The following PTPN2 variants were observed in gnomAD, a reference collection of about 807,000 sequenced individuals.
PTPN2 encodes the protein tyrosine-protein phosphatase non-receptor type 2.
Under a neutral mutation model 57.3 loss-of-function variants are expected in PTPN2, and 19 were observed. The observed-to-expected ratio is 0.33, with a 90% CI of 0.23 to 0.49. The LOEUF is 0.49. Ranked by LOEUF, PTPN2 falls within the 20% of genes least tolerant of loss-of-function variation. PTPN2 has a pLI of 0.99. For synonymous variants in PTPN2, 153 were observed against 164.9 expected, an observed-to-expected ratio of 0.93 and a Z score of 0.55; for missense variants, 358 against 501.1, an observed-to-expected ratio of 0.71 and a Z score of 2.73.
chr18:12,809,563 G>A (rs1043651354), intron 7 of PTPN2, among the ~76,000 whole-genome samples: 3 of 152,294 alleles, frequency 2.0e-5, no homozygotes, highest in African/African-American at 4.8e-5. Context: ...GACTGACACT[G>A]GCCCAAATGA....
At chr18:12,785,833 G>A (rs757779148) in exon 10 of PTPN2, 1 of 1,609,930 alleles carries the variant, frequency 6.2e-7, no homozygotes, top group Non-Finnish European at 8.5e-7. Flanking sequence ...TTAGGTGTCT[G>A]TCAATCTTGG....
intron 1 of PTPN2, among the ~76,000 whole-genome samples, chr18:12,872,048 CA>C (rs61356876): frequency 2.5e-5 from 3 of 121,416 alleles, no homozygotes; most frequent in Non-Finnish European, 5.0e-5. Flanking sequence ...GACTCTGTCT[CA>C]AAAAAAAAAC....
intron 1 of PTPN2, chr18:12,883,815 G>T: frequency 3.0e-6 from 1 of 337,730 alleles, no homozygotes; most frequent in Non-Finnish European, 5.4e-6. Flanking sequence ...CTGTGGCACC[G>T]CCCTCCAGAA....
At chr18:12,801,251 G>A (rs1194222145) in intron 8 of PTPN2, among the ~76,000 whole-genome samples, 1 of 152,158 alleles carries the variant, frequency 6.6e-6, no homozygotes, top group African/African-American at 2.4e-5. Flanking sequence ...GGTGGCTCAC[G>A]CCTGTAATCC....
At chr18:12,855,422 G>A (rs939980219) in intron 2 of PTPN2, among the ~76,000 whole-genome samples, 16 of 151,880 alleles carry the variant, frequency 1.1e-4, no homozygotes, top group African/African-American at 3.4e-4. Flanking sequence ...CCCATGAGGA[G>A]GATGGGGACG....
chr18:12,804,832 C>A (rs2041581801), intron 7 of PTPN2, among the ~76,000 whole-genome samples: 1 of 152,066 alleles, frequency 6.6e-6, no homozygotes, highest in African/African-American at 2.4e-5. Flanking sequence ...TCACACTATT[C>A]AAAAAACTGA....
At chr18:12,833,004 G>C (rs2042722634) in intron 3 of PTPN2, among the ~76,000 whole-genome samples, 1 of 152,112 alleles carries the variant, frequency 6.6e-6, no homozygotes, top group South Asian at 2.1e-4. Context: ...GGCCAGGCTG[G>C]TCTCAAACTC....
intron 4 of PTPN2, among the ~76,000 whole-genome samples, chr18:12,830,200 G>A (rs1027139565): frequency 2.0e-5 from 3 of 151,764 alleles, no homozygotes; most frequent in African/African-American, 7.3e-5. Context: ...TCCAGGTTGA[G>A]GTGCAGTGGC....
At chr18:12,835,730 G>A (rs944688131) in intron 3 of PTPN2, among the ~76,000 whole-genome samples, 17 of 152,100 alleles carry the variant, frequency 1.1e-4, no homozygotes, top group African/African-American at 3.6e-4. Context: ...TTTCTTGGTC[G>A]GTCAGAGTAT....
intron 1 of PTPN2, among the ~76,000 whole-genome samples, chr18:12,876,231 T>C (rs2044482388): frequency 6.7e-6 from 1 of 148,922 alleles, no homozygotes. Flanking sequence ...GAAGCCAAGG[T>C]GAGCAGACCA....
chr18:12,869,527 G>A (rs1461309280), intron 1 of PTPN2, among the ~76,000 whole-genome samples: 1 of 150,478 alleles, frequency 6.6e-6, no homozygotes, highest in Admixed American at 6.6e-5. Flanking sequence ...GGGTGAAATA[G>A]TTATAATATT....
chr18:12,883,800 A>G (rs2044752716), intron 1 of PTPN2: 1 of 316,240 alleles, frequency 3.2e-6, no homozygotes. Context: ...CTCCCCAAGA[A>G]GCCGCTGTGG....
intron 8 of PTPN2, 125 bp from the exon 9 acceptor site, chr18:12,794,610 T>C (rs1351770980): frequency 8.5e-7 from 1 of 1,174,356 alleles, no homozygotes; most frequent in Non-Finnish European, 1.2e-6. Flanking sequence ...AACACTGGAA[T>C]AATGAGGGGA....
chr18:12,845,284 G>A (rs765938823), intron 2 of PTPN2, among the ~76,000 whole-genome samples: 7 of 152,298 alleles, frequency 4.6e-5, no homozygotes, highest in East Asian at 1.9e-4. Context: ...GGGGAGGACT[G>A]ATTCACTATG....
chr18:12,855,590 G>C (rs966582707), intron 2 of PTPN2, among the ~76,000 whole-genome samples: 1 of 152,126 alleles, frequency 6.6e-6, no homozygotes, highest in African/African-American at 2.4e-5. Context: ...AAAGCAGGAC[G>C]ATATCCTGAG....
chr18:12,848,494 A>G (rs1307357873), intron 2 of PTPN2, among the ~76,000 whole-genome samples: 1 of 152,244 alleles, frequency 6.6e-6, no homozygotes, highest in Non-Finnish European at 1.5e-5. Context: ...TTCTAAGGCT[A>G]GGTCACAAAA....
At chr18:12,812,869 C>G (rs1205065246) in intron 7 of PTPN2, among the ~76,000 whole-genome samples, 6 of 151,874 alleles carry the variant, frequency 4.0e-5, no homozygotes, top group Non-Finnish European at 8.8e-5. Context: ...AATATCACAC[C>G]AGATAAATTA....
chr18:12,826,368 A>C (rs1237260916), intron 4 of PTPN2, among the ~76,000 whole-genome samples: 1 of 151,848 alleles, frequency 6.6e-6, no homozygotes, highest in Non-Finnish European at 1.5e-5. Flanking sequence ...ATTCCACTGC[A>C]CTCCAGTCTG....
chr18:12,884,084 G>A lies in PTPN2; in HGVS notation c.58C>T (p.Pro20Ser), dbSNP rs1361746465. 1.9e-6 allele frequency: 3 copies of A among 1,580,132 alleles called. No homozygotes were observed. The highest frequency in any genetic ancestry group is 3.6e-5 in the Admixed American group (2 of 55,596). ...GGTCCGCGACTCACCAAGTACAGCG[G>A]CTGCCAGCGACGCTGAGTATCCAAC... ...EELDTQRRWQ[P>S]LYLEIRNESH... The change falls in exon 1 of 9, where the codon CCG (proline) becomes TCG (serine). Residue 20 changes from proline (P) to serine (S), a missense_variant. This residue lies in a region of PTPN2 where 62 missense variants were observed against 47.9 expected (regional missense o/e 1.29). Coordinates refer to ENST00000309660, the MANE Select transcript of PTPN2 (RefSeq NM_002828.4).
Sources: gnomAD v4.1 joint callset for allele counts (sites outside exome capture counted in the v4.1 genomes callset) on GRCh38, gnomAD v4.1.1 for gene constraint, gnomAD v4.1.1 regional missense constraint, MANE v1.5 for transcripts, NCBI Gene and HGNC (gene_info 2026-07-23, HGNC 2026-07-21) for gene names.